VDAC2: variants seen among roughly 807,000 people sequenced by gnomAD.
The protein encoded by VDAC2 is non-selective voltage-gated ion channel VDAC2.
VDAC2 carries 6 observed loss-of-function variants against 36.6 expected under a neutral mutation model. The observed-to-expected ratio is 0.16, with a 90% CI of 0.09 to 0.32. The LOEUF (loss-of-function observed/expected upper bound fraction) is 0.32. Ranked by LOEUF, VDAC2 falls within the 10% of genes least tolerant of loss-of-function variation. The pLI, the probability that VDAC2 is intolerant of heterozygous loss-of-function variation, is 1.00. For synonymous variants in VDAC2, 109 were observed against 123.8 expected, an observed-to-expected ratio of 0.88 and a Z score of 0.79; for missense variants, 247 against 346.0, an observed-to-expected ratio of 0.71 and a Z score of 2.27.
chr10:75,221,128 T>C, intron 7 of VDAC2, 158 bp downstream of exon 7: 3 of 700,958 alleles, frequency 4.3e-6, no homozygotes, highest in Non-Finnish European at 7.1e-6. Flanking sequence ...TGAAAGTTTA[T>C]AGTAGAAGAC....
At chr10:75,216,065 G>A (rs542494165) in intron 4 of VDAC2, among the ~76,000 whole-genome samples, 15 of 152,298 alleles carry the variant, frequency 9.8e-5, no homozygotes, top group African/African-American at 3.4e-4. Context: ...CATATCTGTC[G>A]CTTGGTTTTT....
intron 4 of VDAC2, among the ~76,000 whole-genome samples, chr10:75,214,321 G>C (rs1246748231): frequency 1.3e-5 from 2 of 152,150 alleles, no homozygotes; most frequent in Non-Finnish European, 2.9e-5. Flanking sequence ...CTCTTTACTC[G>C]TAAGATTACA....
At chr10:75,228,466 C>T (rs1230342142) in intron 8 of VDAC2, among the ~76,000 whole-genome samples, 1 of 151,108 alleles carries the variant, frequency 6.6e-6, no homozygotes, top group African/African-American at 2.4e-5. Flanking sequence ...CCGTGTTGCC[C>T]AGGCTGTTGA....
chr10:75,214,215 A>T, intron 4 of VDAC2, 145 bp downstream of exon 4: 3 of 795,206 alleles, frequency 3.8e-6, no homozygotes, highest in Non-Finnish European at 5.9e-6. Flanking sequence ...GTGTAACCTG[A>T]TTTATTTTGG....
At chr10:75,211,348 G>T (rs991502904) in intron 2 of VDAC2, 159 bp downstream of exon 2, 3 of 1,380,688 alleles carry the variant, frequency 2.2e-6, no homozygotes, top group East Asian at 2.6e-5. Context: ...CGGAGGAGGG[G>T]CTGGGCTGCT....
At chr10:75,228,597 G>C (rs1842024813) in intron 8 of VDAC2, among the ~76,000 whole-genome samples, 1 of 152,200 alleles carries the variant, frequency 6.6e-6, no homozygotes, top group Non-Finnish European at 1.5e-5. Context: ...ATGAATATTT[G>C]GCTGTAGTGC....
chr10:75,226,451 G>GTTTTTTTTTT (rs147954706), intron 8 of VDAC2, among the ~76,000 whole-genome samples: 1 of 100,896 alleles, frequency 9.9e-6, no homozygotes, highest in Non-Finnish European at 1.9e-5. Flanking sequence ...TCTTTTGTGG[G>GTTTTTTTTTT]TTTTTTTTTT....
At chr10:75,222,144 C>A in intron 7 of VDAC2, 108 bp from the exon 8 acceptor site, 1 of 1,194,906 alleles carries the variant, frequency 8.4e-7, no homozygotes, top group African/African-American at 1.6e-5. Flanking sequence ...CACTAAAGAC[C>A]CACTTGAGCT....
At chr10:75,222,590 G>C (rs1408666024) in intron 8 of VDAC2, among the ~76,000 whole-genome samples, 188 bp downstream of exon 8, 2 of 152,176 alleles carry the variant, frequency 1.3e-5, no homozygotes, top group African/African-American at 4.8e-5. Flanking sequence ...AGGCCAGGCT[G>C]GTGGAGTTTG....
chr10:75,222,562 G>A (rs1841844582), intron 8 of VDAC2, among the ~76,000 whole-genome samples, 160 bp downstream of exon 8: 1 of 152,200 alleles, frequency 6.6e-6, no homozygotes, highest in African/African-American at 2.4e-5. Flanking sequence ...TGGATACAGT[G>A]TTAGACGTTT....
chr10:75,213,229 C>A (rs1841485711), intron 3 of VDAC2, among the ~76,000 whole-genome samples: 1 of 150,846 alleles, frequency 6.6e-6, no homozygotes, highest in African/African-American at 2.4e-5. Flanking sequence ...CAGGCACATG[C>A]CACCATGCCC....
intron 8 of VDAC2, among the ~76,000 whole-genome samples, chr10:75,228,945 C>T (rs1259998418): frequency 1.3e-5 from 2 of 152,154 alleles, no homozygotes; most frequent in Non-Finnish European, 2.9e-5. Flanking sequence ...TTCATTCCAG[C>T]CCTTGAAGTC....
At chr10:75,222,135 A>G in intron 7 of VDAC2, 117 bp from the exon 8 acceptor site, 1 of 1,123,944 alleles carries the variant, frequency 8.9e-7, no homozygotes, top group Non-Finnish European at 1.2e-6. Context: ...TCAGTGGAAC[A>G]CTAAAGACCC....
chr10:75,212,822 T>G (rs889807021), intron 3 of VDAC2, among the ~76,000 whole-genome samples: 1 of 152,248 alleles, frequency 6.6e-6, no homozygotes. Flanking sequence ...TTAGAAGATT[T>G]GAGCCTTTAA....
At position 75,226,481 on chromosome 10, in the gene VDAC2, A is replaced by G. The variant is rs982495094; in HGVS notation, c.736-3163A>G. On this transcript the variant is annotated intron_variant, in intron 8 of 9. Transcript: ENST00000332211. ...TTTTTTTTTTTTTTTTTTTAATGAA[A>G]TCTCACTGTCATCCAGGCTGGATGG... Among the ~76,000 whole-genome samples, 3 of 134,038 alleles carry G rather than the reference A, an allele frequency of 2.2e-5. No individual in the cohort carries two copies. The South Asian group carries it at 7.1e-4, about 32-fold the overall frequency. The allele number at this position is 134,038 out of a possible 152,430, so 87.9% of individuals were successfully genotyped here. A position where few individuals can be genotyped will look rare whatever the true frequency, so the allele number is the denominator to read the frequency against.
Position 75,229,652 on chromosome 10 carries a change from C to A in VDAC2, c.744C>A (p.Val248=). The part of the protein sequence containing the change: ...LDPTASISAK[V]NNSSLIGVGY... ...TTTGTATTTTATTTTAGGCAAAAGTCAACAACTCTAGCTTAATTGGAGTAG... is the reference window on the plus strand; with the variant it reads ...TTTGTATTTTATTTTAGGCAAAAGTAAACAACTCTAGCTTAATTGGAGTAG... Residue 248 remains valine (V), a synonymous_variant, in exon 9 of 10, where the codon GTC becomes GTA. Coordinates refer to ENST00000332211, the MANE Select transcript of VDAC2 (RefSeq NM_001391963.1). The A allele has an allele frequency of 1.2e-6, 2 of 1,603,232 alleles. No individual in the cohort carries two copies. The highest frequency in any genetic ancestry group is 2.3e-5 in the South Asian group (2 of 88,366).
At chr10:75,230,770 A>T in intron 9 of VDAC2, 128 bp from the exon 10 acceptor site, 1 of 719,186 alleles carries the variant, frequency 1.4e-6, no homozygotes, top group Non-Finnish European at 2.3e-6. Context: ...GGCCAGCACT[A>T]GTAGGTCAGC....
chr10:75,230,385 C>T, intron 9 of VDAC2, among the ~76,000 whole-genome samples: 1 of 152,286 alleles, frequency 6.6e-6, no homozygotes. Context: ...ACTTCACATA[C>T]TTTTAAAAAA....
At position 75,219,315 on chromosome 10, in the gene VDAC2, T is replaced by G; in HGVS notation, c.315T>G (p.Gly105=). ...EIAIEDQICQ[G]LKLTFDTTFS... ...TTCTTTCAAAATAGATTTGTCAAGG[T>G]TTGAAACTGACATTTGATACTACCT... The change falls in exon 6 of 10, where the codon GGT becomes GGG. Residue 105 remains glycine (G), a synonymous_variant. Coordinates refer to ENST00000332211, the MANE Select transcript of VDAC2 (RefSeq NM_001391963.1). 1 of 1,600,494 alleles carries G rather than the reference T, an allele frequency of 6.2e-7. No homozygotes were observed. The highest frequency in any genetic ancestry group is 1.3e-5 in the African/African-American group (1 of 74,792).
Sources: allele counts gnomAD v4.1 joint callset (sites outside exome capture counted in the v4.1 genomes callset), GRCh38; gene constraint gnomAD v4.1.1; transcripts MANE v1.5; gene names NCBI Gene and HGNC (gene_info 2026-07-23, HGNC 2026-07-21).